Variants in ZIC4 observed in about 807,000 individuals in gnomAD.
ZIC4 encodes the protein zinc finger protein ZIC 4.
ZIC4 carries 15 observed loss-of-function variants against 28.8 expected under a neutral mutation model. The ratio of observed to expected loss-of-function variants is 0.52; its 90% confidence interval spans 0.35 to 0.80. The LOEUF is 0.80. Ranked by LOEUF, ZIC4 falls within the 30% of genes least tolerant of loss-of-function variation. The pLI is 0.01. For synonymous variants in ZIC4, 220 were observed against 198.1 expected (o/e 1.11, Z -0.93); for missense variants, 512 against 467.1 (o/e 1.10, Z -0.89).
intron 4 of ZIC4, among the ~76,000 whole-genome samples, chr3:147,389,781 C>T (rs1396262239): frequency 6.6e-6 from 1 of 152,152 alleles, no homozygotes; most frequent in Non-Finnish European, 1.5e-5. Context: ...GTTCCTCCTA[C>T]ACCTTTTTAA....
At chr3:147,395,758 TC>T in intron 3 of ZIC4, 93 bp downstream of exon 3, 2 of 1,512,786 alleles carry the variant, frequency 1.3e-6, no homozygotes, top group East Asian at 2.3e-5. Context: ...CCAAAATATT[TC>T]CCCCTCCCCT....
chr3:147,397,899 C>A (rs1256768069), intron 2 of ZIC4, among the ~76,000 whole-genome samples: 6 of 152,156 alleles, frequency 3.9e-5, no homozygotes, highest in Admixed American at 2.0e-4. Context: ...TTCTCCTCCC[C>A]TCCCCCTCTC....
rs182488952 is a variant in ZIC4 at position 147,405,585 on chromosome 3, G to C, written c.-16+778C>G. 1.4e-3 allele frequency: 1,591 copies of C among 1,111,726 alleles called. 4 individuals carry two copies. The highest frequency in any genetic ancestry group is 2.0e-3 in the Non-Finnish European group (1,511 of 759,862). The allele number at this position is 1,111,726 out of a possible 1,614,324, so 68.9% of individuals were successfully genotyped here. A position where few individuals can be genotyped will look rare whatever the true frequency, so the allele number is the denominator to read the frequency against. Reference sequence around the variant, plus strand: ...CCAATGCCCCTGGGTCTAGGCTAGGGGCCAGAATCCTAGGAGCTGCGGCCT... The same window carrying C: ...CCAATGCCCCTGGGTCTAGGCTAGGCGCCAGAATCCTAGGAGCTGCGGCCT... On this transcript the variant is annotated intron_variant, in intron 1 of 4. Coordinates refer to ENST00000383075, the MANE Select transcript of ZIC4 (RefSeq NM_032153.6).
Position 147,386,898 on chromosome 3 carries a change from G to A in ZIC4, c.*1961C>T, listed in dbSNP as rs2086806737. 6.6e-6 allele frequency: 1 copy of A among 152,114 alleles called. No individual in the cohort carries two copies. Among genetic ancestry groups the A allele is most frequent in the South Asian group, 2.1e-4 (1 of 4,834 alleles). 9.4% of individuals were successfully genotyped at this position (152,114 alleles called of 1,614,324 possible). A position where few individuals can be genotyped will look rare whatever the true frequency, so the allele number is the denominator to read the frequency against. On this transcript the variant is annotated 3_prime_UTR_variant, in exon 5 of 5. Transcript: ENST00000383075. ...TGCTAGTGAGAAGAAACACACAATG[G>A]GTCTATTTTTAGCAGAGGTGGCTTT...
intron 1 of ZIC4, chr3:147,405,402 C>T (rs1198209385): frequency 6.5e-7 from 1 of 1,537,028 alleles, no homozygotes; most frequent in Non-Finnish European, 8.7e-7. Flanking sequence ...TTCCTGAAGA[C>T]GGTGACGGCC....
Position 147,388,847 on chromosome 3 carries a change from A to T in ZIC4, c.*12T>A. The T allele has an allele frequency of 1.3e-6, 1 of 780,228 alleles. No individual in the cohort carries two copies. Among genetic ancestry groups the T allele is most frequent in the East Asian group, 2.4e-5 (1 of 41,218 alleles). 48.3% of individuals were successfully genotyped at this position (780,228 alleles called of 1,614,324 possible). A position where few individuals can be genotyped will look rare whatever the true frequency, so the allele number is the denominator to read the frequency against. On this transcript the variant is annotated 3_prime_UTR_variant, in exon 5 of 5. Coordinates refer to ENST00000383075, the MANE Select transcript of ZIC4 (RefSeq NM_032153.6). ...GCGGAGCGAGATTACCTTGCGAGCA[A>T]CGCGGTGGACATCTGTAACAAGCAA...
At chr3:147,403,664 T>G (rs193218233) in intron 1 of ZIC4, 6 of 210,980 alleles carry the variant, frequency 2.8e-5, no homozygotes, top group Non-Finnish European at 5.6e-5. Context: ...CACCCTCAAT[T>G]TGGCCTAGAA....
At chr3:147,393,893 G>A (rs1180511452) in intron 3 of ZIC4, 1 of 456,606 alleles carries the variant, frequency 2.2e-6, no homozygotes, top group Non-Finnish European at 4.4e-6. Flanking sequence ...GCCACAAAGT[G>A]AATCCTTTCG....
At chr3:147,395,705 G>T (rs1697260798) in intron 3 of ZIC4, 147 bp downstream of exon 3, 1 of 1,278,228 alleles carries the variant, frequency 7.8e-7, no homozygotes. Flanking sequence ...AAGAATAGAA[G>T]CGCATAATTA....
In ZIC4 at chr3:147,391,998, G is replaced by A. The variant is rs374684018; in HGVS notation, c.689-752C>T. The A allele has an allele frequency of 6.1e-6, 6 of 985,294 alleles. No homozygotes were observed. The East Asian group carries it at 3.4e-4, about 56-fold the overall frequency. 61.0% of individuals were successfully genotyped at this position (985,294 alleles called of 1,614,324 possible). The stretch of plus-strand genomic sequence containing the variant: ...AACCTTCCGGGATCCCTCCAGATAC[G>A]CTCGCCAGTAATAATATTTCATTAC... On this transcript the variant is annotated intron_variant, in intron 3 of 4. Transcript: ENST00000383075.
intron 3 of ZIC4, among the ~76,000 whole-genome samples, 172 bp downstream of exon 3, chr3:147,395,680 A>G (rs1690355136): frequency 6.6e-6 from 1 of 152,142 alleles, no homozygotes; most frequent in Admixed American, 6.5e-5. Flanking sequence ...AGCCTCCGGA[A>G]ACTTCTGTGA....
intron 3 of ZIC4, chr3:147,392,439 T>C (rs1323602350): frequency 2.8e-5 from 28 of 985,240 alleles, no homozygotes; most frequent in Non-Finnish European, 3.3e-5. Context: ...CTGAATTCGC[T>C]GACGTGTAGG....
At position 147,396,593 on chromosome 3, in the gene ZIC4, G is replaced by C. The variant is rs1559962857; in HGVS notation, c.71-124C>G. 1.6e-6 allele frequency: 2 copies of C among 1,267,152 alleles called. No individual in the cohort carries two copies. Among genetic ancestry groups the C allele is most frequent in the African/African-American group, 3.0e-5 (2 of 66,250 alleles). The allele number at this position is 1,267,152 out of a possible 1,614,324, so 78.5% of individuals were successfully genotyped here. A position where few individuals can be genotyped will look rare whatever the true frequency, so the allele number is the denominator to read the frequency against. ...CCTCTGCAGTCAGCCGTGGAACTCA[G>C]AGCCAGACAGCGCCAGCAGTGAACC... On this transcript the variant is annotated intron_variant, in intron 2 of 4. Coordinates refer to ENST00000383075, the MANE Select transcript of ZIC4 (RefSeq NM_032153.6). This position sits in a 1 kb window ranked among gnomAD's most constrained non-coding sequence, Gnocchi z 4.2.
chr3:147,396,510 T>C lies in ZIC4; in HGVS notation c.71-41A>G, dbSNP rs769604394. 1 of 1,491,724 alleles carries C rather than the reference T, an allele frequency of 6.7e-7. No homozygotes were observed. Among genetic ancestry groups the C allele is most frequent in the East Asian group, 2.3e-5 (1 of 43,186 alleles). The allele number at this position is 1,491,724 out of a possible 1,614,324, so 92.4% of individuals were successfully genotyped here. Reference sequence around the variant, plus strand: ...ATAGCGCGCATGAGAACGGGTGGCGTGGGCTGCGCGCTCTTCCCTGGGCCC... The same window carrying C: ...ATAGCGCGCATGAGAACGGGTGGCGCGGGCTGCGCGCTCTTCCCTGGGCCC... On this transcript the variant is annotated intron_variant, in intron 2 of 4. Coordinates refer to ENST00000383075, the MANE Select transcript of ZIC4 (RefSeq NM_032153.6). The surrounding 1 kb of genome is among the most constrained non-coding windows in gnomAD (Gnocchi z 4.2).
At chr3:147,405,736 G>C in intron 1 of ZIC4, 2 of 531,646 alleles carry the variant, frequency 3.8e-6, no homozygotes, top group Non-Finnish European at 6.7e-6. Context: ...CAGGACCAGG[G>C]TGAGGGAGGG....
At position 147,388,129 on chromosome 3, in the gene ZIC4, G is replaced by C. The variant is rs1204411519; in HGVS notation, c.*730C>G. On this transcript the variant is annotated 3_prime_UTR_variant, in exon 5 of 5. Transcript: ENST00000383075. Reference sequence around the variant, plus strand: ...GGGCAAGTCGGGTTCTAGAAAGGAAGTATATACTGGAGAGCGCAGTGACAG... The same window carrying C: ...GGGCAAGTCGGGTTCTAGAAAGGAACTATATACTGGAGAGCGCAGTGACAG... 1 of 152,582 alleles carries C rather than the reference G, an allele frequency of 6.6e-6. No individual in the cohort carries two copies. The highest frequency in any genetic ancestry group is 6.5e-5 in the Admixed American group (1 of 15,282). 9.5% of individuals were successfully genotyped at this position (152,582 alleles called of 1,614,324 possible).
rs186514601 is a variant in ZIC4, at chr3:147,388,648, T to C, written c.*211A>G. ...AGGTCTGTTAGACGTAAATATTATGTCCTTAATGAAAAGCCTGGACGGGCT... is the reference window on the plus strand; with the variant it reads ...AGGTCTGTTAGACGTAAATATTATGCCCTTAATGAAAAGCCTGGACGGGCT... On this transcript the variant is annotated 3_prime_UTR_variant, in exon 5 of 5. Transcript: ENST00000383075. 46 of 565,196 alleles carry C rather than the reference T, an allele frequency of 8.1e-5. No individual in the cohort carries two copies. Among genetic ancestry groups the C allele is most frequent in the African/African-American group, 4.9e-4 (26 of 53,130 alleles). 35.0% of individuals were successfully genotyped at this position (565,196 alleles called of 1,614,324 possible). A position where few individuals can be genotyped will look rare whatever the true frequency, so the allele number is the denominator to read the frequency against.
At chr3:147,392,440 G>A (rs2086947192) in intron 3 of ZIC4, 1 of 985,366 alleles carries the variant, frequency 1.0e-6, no homozygotes, top group African/African-American at 1.7e-5. Context: ...TGAATTCGCT[G>A]ACGTGTAGGA....
intron 4 of ZIC4, among the ~76,000 whole-genome samples, chr3:147,390,354 C>T (rs188513935): frequency 3.3e-5 from 5 of 151,910 alleles, no homozygotes; most frequent in Non-Finnish European, 7.4e-5. Flanking sequence ...ATTCCCTTTG[C>T]CCCCTTCCCT....
Sources: gnomAD v4.1 joint callset for allele counts (sites outside exome capture counted in the v4.1 genomes callset) on GRCh38, gnomAD v4.1.1 for gene constraint, Gnocchi (gnomAD v3.1) non-coding constraint, MANE v1.5 for transcripts, NCBI Gene and HGNC (gene_info 2026-07-23, HGNC 2026-07-21) for gene names.